EFHC2: variants seen among roughly 807,000 people sequenced by gnomAD.
The protein encoded by EFHC2 is EF-hand domain containing 2.
EFHC2 carries 18 observed loss-of-function variants against 52.7 expected under a neutral mutation model. That is an observed-to-expected ratio of 0.34 (90% CI 0.24 to 0.51). The LOEUF (loss-of-function observed/expected upper bound fraction) is 0.51, where lower values mean the gene tolerates loss of function less well. Ranked by LOEUF, EFHC2 falls within the 20% of genes least tolerant of loss-of-function variation. The probability of loss-of-function intolerance (pLI) is 0.97; values close to 1 mark genes in which losing one functional copy is unlikely to be tolerated. For synonymous variants in EFHC2, 203 were observed against 204.1 expected (o/e 0.99, Z 0.04); for missense variants, 513 against 562.5 (o/e 0.91, Z 0.89).
intron 14 of EFHC2, 121 bp downstream of exon 14, chrX:44,163,801 G>A: frequency 5.8e-6 from 3 of 520,197 alleles, no homozygotes; most frequent in Non-Finnish European, 6.5e-6. Flanking sequence ...AAACACATAA[G>A]CACTCTTTCC....
intron 2 of EFHC2, among the ~76,000 whole-genome samples, chrX:44,274,548 A>C (rs5953377): frequency 0.14 from 15,655 of 110,893 alleles, 1,071 homozygotes; most frequent in Admixed American, 0.26. Context: ...AAGATATTAG[A>C]CACTGAGTTG....
intron 1 of EFHC2, among the ~76,000 whole-genome samples, chrX:44,317,111 T>C (rs748541407): frequency 1.2e-3 from 137 of 112,222 alleles, no homozygotes; most frequent in African/African-American, 4.2e-3. Flanking sequence ...CTGCTTCTAG[T>C]GAGCAAAGGC....
intron 4 of EFHC2, among the ~76,000 whole-genome samples, chrX:44,255,387 T>C (rs2037483753): frequency 9.0e-6 from 1 of 111,164 alleles, no homozygotes; most frequent in Non-Finnish European, 1.9e-5. Context: ...CCATCTCACA[T>C]GCAAAGACAC....
chrX:44,225,287 T>C (rs1042520292), intron 11 of EFHC2, among the ~76,000 whole-genome samples: 1 of 110,843 alleles, frequency 9.0e-6, no homozygotes, highest in African/African-American at 3.3e-5. Context: ...CCTACTTCTG[T>C]TTCCTGATGG....
At chrX:44,277,631 T>C (rs2037669841) in intron 2 of EFHC2, among the ~76,000 whole-genome samples, 1 of 111,740 alleles carries the variant, frequency 8.9e-6, no homozygotes, top group Non-Finnish European at 1.9e-5. Context: ...TTGTGTTGCA[T>C]ATAGAGGATG....
At chrX:44,184,978 C>G (rs964689279) in intron 11 of EFHC2, among the ~76,000 whole-genome samples, 1 of 111,482 alleles carries the variant, frequency 9.0e-6, no homozygotes. Flanking sequence ...AGTAAGCTCT[C>G]TATAACAAGT....
intron 11 of EFHC2, 47 bp from the exon 12 acceptor site, chrX:44,178,611 C>T (rs767379375): frequency 2.0e-6 from 2 of 975,998 alleles, no homozygotes; most frequent in Non-Finnish European, 2.8e-6. Context: ...TCTAAGAATA[C>T]AGTATTTTAC....
intron 8 of EFHC2, among the ~76,000 whole-genome samples, chrX:44,241,507 C>G (rs1273369988): frequency 1.8e-5 from 2 of 112,136 alleles, no homozygotes; most frequent in Non-Finnish European, 3.8e-5. Context: ...GTTGGCAAAC[C>G]ACAGTCAGTG....
At chrX:44,296,916 C>T (rs2037829777) in intron 2 of EFHC2, among the ~76,000 whole-genome samples, 1 of 112,047 alleles carries the variant, frequency 8.9e-6, no homozygotes, top group South Asian at 3.7e-4. Context: ...CAAATTTATT[C>T]TTCTGGAAAA....
At chrX:44,317,749 G>A (rs998779122) in intron 1 of EFHC2, among the ~76,000 whole-genome samples, 5 of 113,356 alleles carry the variant, frequency 4.4e-5, no homozygotes, top group Non-Finnish European at 9.4e-5. Context: ...AGCTATGATC[G>A]CACCACTGCA....
At chrX:44,262,674 C>A (rs990045687) in intron 3 of EFHC2, among the ~76,000 whole-genome samples, 4 of 110,881 alleles carry the variant, frequency 3.6e-5, no homozygotes, top group Admixed American at 9.6e-5. Context: ...TGGTCAGAGA[C>A]AAAAGGCAGT....
intron 11 of EFHC2, among the ~76,000 whole-genome samples, chrX:44,228,861 G>A (rs971637190): frequency 5.4e-5 from 6 of 111,770 alleles, no homozygotes; most frequent in South Asian, 3.7e-4. Flanking sequence ...AGCCACTATC[G>A]TTGTCAGGAG....
chrX:44,180,071 G>T (rs1046619135), intron 11 of EFHC2, among the ~76,000 whole-genome samples: 1 of 111,670 alleles, frequency 9.0e-6, no homozygotes, highest in African/African-American at 3.3e-5. Context: ...ATGTGAACCC[G>T]TGTAGTCTGG....
chrX:44,216,032 A>G (rs1456139434), intron 11 of EFHC2, among the ~76,000 whole-genome samples: 1 of 112,514 alleles, frequency 8.9e-6, no homozygotes, highest in East Asian at 2.8e-4. Flanking sequence ...CATGACCTTG[A>G]GGCACTAAAG....
intron 14 of EFHC2, among the ~76,000 whole-genome samples, chrX:44,156,838 C>T (rs1356665143): frequency 8.9e-6 from 1 of 112,414 alleles, no homozygotes; most frequent in Non-Finnish European, 1.9e-5. Context: ...TTTACAGCTA[C>T]CATCTGTGAG....
At chrX:44,205,369 A>G (rs2037040373) in intron 11 of EFHC2, among the ~76,000 whole-genome samples, 1 of 110,373 alleles carries the variant, frequency 9.1e-6, no homozygotes, top group African/African-American at 3.3e-5. Context: ...TTGAATATAA[A>G]TGGCCTTAAC....
intron 4 of EFHC2, among the ~76,000 whole-genome samples, chrX:44,254,273 T>C (rs1420726857): frequency 2.7e-5 from 3 of 111,957 alleles, no homozygotes; most frequent in African/African-American, 9.8e-5. Context: ...AGAATGAGTT[T>C]GATGAATTGA....
chrX:44,195,222 A>G (rs745357592), intron 11 of EFHC2, among the ~76,000 whole-genome samples: 12 of 111,403 alleles, frequency 1.1e-4, no homozygotes, highest in Non-Finnish European at 2.3e-4. Flanking sequence ...CCTAGGCCTC[A>G]AGAGGTCTTC....
chrX:44,178,606 G>A, intron 11 of EFHC2, 42 bp from the exon 12 acceptor site: 1 of 1,033,064 alleles, frequency 9.7e-7, no homozygotes, highest in Non-Finnish European at 1.3e-6. Context: ...TGATATCTAA[G>A]AATACAGTAT....
Sources: gnomAD v4.1 joint callset for allele counts (sites outside exome capture counted in the v4.1 genomes callset) on GRCh38, gnomAD v4.1.1 for gene constraint, MANE v1.5 for transcripts, NCBI Gene and HGNC (gene_info 2026-07-23, HGNC 2026-07-21) for gene names.